The following STPG2 variants were observed in gnomAD, a reference collection of about 807,000 sequenced individuals.
The protein encoded by STPG2 is sperm tail PG-rich repeat containing 2.
In STPG2, 56 loss-of-function variants were observed where a neutral mutation model predicts 54.2. The observed-to-expected ratio is 1.03, with a 90% CI of 0.83 to 1.29. The LOEUF (loss-of-function observed/expected upper bound fraction) is 1.29. STPG2 is among the 50% of genes most tolerant of loss of function. The probability of loss-of-function intolerance (pLI) is 0.00; values close to 1 mark genes in which losing one functional copy is unlikely to be tolerated. For synonymous variants in STPG2, 200 were observed against 181.8 expected, an observed-to-expected ratio of 1.10 and a Z score of -0.81; for missense variants, 596 against 544.9, an observed-to-expected ratio of 1.09 and a Z score of -0.93.
intron 5 of STPG2, among the ~76,000 whole-genome samples, chr4:98,060,644 C>A (rs1042290819): frequency 5.9e-5 from 9 of 152,134 alleles, no homozygotes; most frequent in Admixed American, 3.9e-4. Flanking sequence ...CTGGAGGCAA[C>A]ACACTACCCA....
chr4:97,907,405 G>T (rs1056204020), intron 8 of STPG2, among the ~76,000 whole-genome samples: 2 of 152,202 alleles, frequency 1.3e-5, no homozygotes, highest in African/African-American at 4.8e-5. Flanking sequence ...ATGTTCATGG[G>T]TAGGAAGAAT....
intron 5 of STPG2, among the ~76,000 whole-genome samples, chr4:97,997,980 C>T (rs951605186): frequency 2.0e-5 from 3 of 151,986 alleles, no homozygotes; most frequent in African/African-American, 2.4e-5. Flanking sequence ...TATTAAAGAA[C>T]GGAGTGCGAA....
At chr4:97,536,236 A>G (rs1276099764) in intron 4 of STPG2, among the ~76,000 whole-genome samples, 2 of 152,158 alleles carry the variant, frequency 1.3e-5, no homozygotes, top group Non-Finnish European at 2.9e-5. Context: ...TCATTGATCT[A>G]TGGGTGAAAT....
At chr4:97,717,632 T>C (rs868541838) in intron 9 of STPG2, among the ~76,000 whole-genome samples, 2 of 152,298 alleles carry the variant, frequency 1.3e-5, no homozygotes, top group Middle Eastern at 3.4e-3. Context: ...TCAAGTGAAG[T>C]CTTTCAACTG....
chr4:97,543,948 T>G (rs894426729), intron 4 of STPG2, among the ~76,000 whole-genome samples: 1 of 152,034 alleles, frequency 6.6e-6, no homozygotes, highest in Non-Finnish European at 1.5e-5. Context: ...CACACATTAG[T>G]ATACTTCAAT....
intron 9 of STPG2, among the ~76,000 whole-genome samples, chr4:97,839,720 A>G (rs138904842): frequency 9.6e-4 from 145 of 151,792 alleles, no homozygotes; most frequent in Non-Finnish European, 1.6e-3. Flanking sequence ...AAATGGATCT[A>G]TAAGCTGGCA....
At chr4:98,054,289 C>G (rs1000906358) in intron 5 of STPG2, among the ~76,000 whole-genome samples, 1 of 152,090 alleles carries the variant, frequency 6.6e-6, no homozygotes, top group Non-Finnish European at 1.5e-5. Flanking sequence ...AGGTGTTACT[C>G]CATATAAAGT....
At chr4:97,739,574 T>A (rs1312941186) in intron 9 of STPG2, among the ~76,000 whole-genome samples, 1 of 152,190 alleles carries the variant, frequency 6.6e-6, no homozygotes, top group Non-Finnish European at 1.5e-5. Flanking sequence ...CATCAGAGAA[T>A]ACTACAAACA....
chr4:97,496,734 C>A (rs1236511702), intron 4 of STPG2, among the ~76,000 whole-genome samples: 2 of 151,666 alleles, frequency 1.3e-5, no homozygotes, highest in Non-Finnish European at 2.9e-5. Flanking sequence ...TGTATCCCGG[C>A]AGTGTGTGAA....
At chr4:97,925,883 G>C (rs1156854224) in intron 8 of STPG2, among the ~76,000 whole-genome samples, 1 of 152,060 alleles carries the variant, frequency 6.6e-6, no homozygotes, top group East Asian at 1.9e-4. Context: ...TAAGATCTCT[G>C]CAAGCTTTCA....
intron 5 of STPG2, among the ~76,000 whole-genome samples, chr4:98,099,290 G>T (rs1250529013): frequency 6.7e-6 from 1 of 148,874 alleles, no homozygotes; most frequent in Non-Finnish European, 1.5e-5. Flanking sequence ...CCATACAAAA[G>T]AATGAGATTC....
chr4:97,648,614 T>C (rs576102363), intron 10 of STPG2, among the ~76,000 whole-genome samples: 1 of 152,248 alleles, frequency 6.6e-6, no homozygotes, highest in South Asian at 2.1e-4. Flanking sequence ...TTCCAGTTTT[T>C]GTTCTTACCA....
At chr4:97,534,609 T>G (rs931165966) in intron 4 of STPG2, among the ~76,000 whole-genome samples, 54 of 152,310 alleles carry the variant, frequency 3.5e-4, no homozygotes, top group African/African-American at 1.3e-3. Flanking sequence ...TCTGTTCTCT[T>G]TTTAAAATTT....
At chr4:98,138,367 G>A (rs1056339562) in intron 1 of STPG2, among the ~76,000 whole-genome samples, 1 of 152,010 alleles carries the variant, frequency 6.6e-6, no homozygotes, top group African/African-American at 2.4e-5. Flanking sequence ...GTGTATAGAA[G>A]AGGAGATTTG....
At chr4:98,136,087 C>A (rs1049615067) in intron 1 of STPG2, among the ~76,000 whole-genome samples, 1 of 151,260 alleles carries the variant, frequency 6.6e-6, no homozygotes, top group Non-Finnish European at 1.5e-5. Context: ...TTATAAATAT[C>A]CTTTATATAT....
At chr4:97,871,875 A>G (rs1730000921) in intron 8 of STPG2, among the ~76,000 whole-genome samples, 1 of 151,136 alleles carries the variant, frequency 6.6e-6, no homozygotes, top group South Asian at 2.1e-4. Context: ...ACTTATGAAA[A>G]TGATGCAAAA....
chr4:97,885,485 T>C (rs1419044943), intron 8 of STPG2, among the ~76,000 whole-genome samples: 1 of 152,096 alleles, frequency 6.6e-6, no homozygotes, highest in African/African-American at 2.4e-5. Context: ...TAGTAGAAAA[T>C]ATTGGTGATA....
At chr4:97,912,645 A>G (rs1215412379) in intron 8 of STPG2, among the ~76,000 whole-genome samples, 1 of 152,230 alleles carries the variant, frequency 6.6e-6, no homozygotes, top group Non-Finnish European at 1.5e-5. Flanking sequence ...AATGAACAAA[A>G]AAGAATGAAA....
At chr4:97,947,276 C>A (rs973833336) in intron 7 of STPG2, among the ~76,000 whole-genome samples, 3 of 151,664 alleles carry the variant, frequency 2.0e-5, no homozygotes, top group Non-Finnish European at 3.0e-5. Context: ...CTAATCTTAT[C>A]TCTAGGCTTA....
Sources: allele counts gnomAD v4.1 joint callset (sites outside exome capture counted in the v4.1 genomes callset), GRCh38; gene constraint gnomAD v4.1.1; transcripts MANE v1.5; gene names NCBI Gene and HGNC (gene_info 2026-07-23, HGNC 2026-07-21).